Variants in AKAP13 observed in about 807,000 individuals in gnomAD.
AKAP13 encodes the protein A-kinase anchoring protein 13.
Under a neutral mutation model 264.5 loss-of-function variants are expected in AKAP13, and 80 were observed. The ratio of observed to expected loss-of-function variants is 0.30; its 90% CI spans 0.25 to 0.36. AKAP13 has a LOEUF of 0.36. AKAP13 is among the 10% of genes least tolerant of loss of function. The pLI is 1.00. For missense variants in AKAP13, 3,712 were observed against 3,435.2 expected (o/e 1.08, Z -2.01); for synonymous variants, 1,380 against 1,250.2 (o/e 1.10, Z -2.19).
chr15:85,627,732 A>AGGTTATGC (rs2081492382), intron 8 of AKAP13: 2 of 152,054 alleles, frequency 1.3e-5, no homozygotes, highest in Non-Finnish European at 2.9e-5. Context: ...CTGGGTTATG[A>AGGTTATGC]GGTTATGCAA....
intron 10 of AKAP13, 85 bp downstream of exon 10, chr15:85,646,039 C>A: frequency 6.5e-7 from 1 of 1,528,084 alleles, no homozygotes; most frequent in Non-Finnish European, 8.8e-7. Flanking sequence ...CAACTTTTTC[C>A]CCCTCTTGTG....
intron 17 of AKAP13, among the ~76,000 whole-genome samples, chr15:85,694,709 A>G (rs1283921797): frequency 1.3e-5 from 2 of 152,222 alleles, no homozygotes; most frequent in Non-Finnish European, 2.9e-5. Context: ...GGGTAAATCA[A>G]GGAGGCTGCT....
chr15:85,436,898 A>G (rs539090687), intron 1 of AKAP13, among the ~76,000 whole-genome samples: 1 of 152,186 alleles, frequency 6.6e-6, no homozygotes, highest in Non-Finnish European at 1.5e-5. Flanking sequence ...TAACATCACA[A>G]TTAAAAGAAC....
rs1206988281 is a variant in AKAP13, at chr15:85,630,192, CACACACACACACACACATCAT to C, written c.4162-9181_4162-9161del. Among the ~76,000 whole-genome samples, 121 of 78,060 alleles carry C rather than the reference CACACACACACACACACATCAT, an allele frequency of 1.6e-3. 3 individuals carry two copies. Among genetic ancestry groups the C allele is most frequent in the African/African-American group, 4.9e-3 (94 of 19,282 alleles). The allele number at this position is 78,060 out of a possible 152,430, so 51.2% of individuals were successfully genotyped here. On this transcript the variant is annotated intron_variant, in intron 8 of 36. Coordinates refer to ENST00000394518, the MANE Select transcript of AKAP13 (RefSeq NM_007200.5). ...ACACACACACACACACACACACACA[CACACACACACACACACATCAT>C]GAACTAAGATGGAAAATTGTAACAC...
chr15:85,410,506 C>T (rs1156318728), intron 1 of AKAP13, among the ~76,000 whole-genome samples: 1 of 151,684 alleles, frequency 6.6e-6, no homozygotes, highest in Non-Finnish European at 1.5e-5. Context: ...CCAACTCCTT[C>T]TACCTTGACC....
rs73450397 is a variant in AKAP13, at chr15:85,555,572, C to T, written c.662+11617C>T. On this transcript the variant is annotated intron_variant, in intron 5 of 36. Coordinates refer to ENST00000394518, the MANE Select transcript of AKAP13 (RefSeq NM_007200.5). ...CATTTTCTCTGGCTTTTTGCTGTAA[C>T]TCAACCTGAAGCATCATTGAACTTC... 9.9e-3 allele frequency: 9,631 copies of T among 973,666 alleles called. 663 individuals carry two copies. The African/African-American group carries it at 0.15, about 15-fold the overall frequency. The allele number at this position is 973,666 out of a possible 1,614,324, so 60.3% of individuals were successfully genotyped here. A position where few individuals can be genotyped will look rare whatever the true frequency, so the allele number is the denominator to read the frequency against.
chr15:85,627,376 T>C (rs1024114835), intron 8 of AKAP13, among the ~76,000 whole-genome samples: 3 of 152,194 alleles, frequency 2.0e-5, no homozygotes, highest in Non-Finnish European at 1.5e-5. Flanking sequence ...TTGTACTAGC[T>C]CTCTGATGTA....
chr15:85,414,436 A>G (rs912769468), intron 1 of AKAP13, among the ~76,000 whole-genome samples: 3 of 152,220 alleles, frequency 2.0e-5, no homozygotes, highest in African/African-American at 7.2e-5. Context: ...TGAACTAGTC[A>G]ATAGCTTTGT....
chr15:85,571,086 A>G (rs995468197), intron 5 of AKAP13, among the ~76,000 whole-genome samples: 3 of 152,172 alleles, frequency 2.0e-5, no homozygotes, highest in African/African-American at 7.2e-5. Flanking sequence ...AGAGGAAATT[A>G]TATAAACTTT....
chr15:85,685,480 G>C (rs1056799889), intron 16 of AKAP13: 1 of 149,136 alleles, frequency 6.7e-6, no homozygotes, highest in Non-Finnish European at 1.5e-5. Context: ...GTGTGTGTGT[G>C]TGTGTGTGTC....
chr15:85,648,960 G>A (rs2082681674), intron 10 of AKAP13, among the ~76,000 whole-genome samples: 1 of 152,208 alleles, frequency 6.6e-6, no homozygotes, highest in South Asian at 2.1e-4. Flanking sequence ...CCTGAGAAGA[G>A]ATGGGGAGGA....
At chr15:85,730,753 G>A (rs750632901) in intron 30 of AKAP13, 46 bp downstream of exon 30, 12 of 1,521,326 alleles carry the variant, frequency 7.9e-6, no homozygotes, top group East Asian at 2.3e-5. Context: ...CTCCCAGAGT[G>A]GTTTACACAC....
chr15:85,404,691 C>A (rs2071585208), intron 1 of AKAP13, among the ~76,000 whole-genome samples: 1 of 152,060 alleles, frequency 6.6e-6, no homozygotes, highest in South Asian at 2.1e-4. Flanking sequence ...TAAAGTTGTA[C>A]TTGTATATCT....
chr15:85,578,001 G>T (rs929853489), intron 6 of AKAP13: 1 of 191,786 alleles, frequency 5.2e-6, no homozygotes, highest in South Asian at 1.8e-4. Flanking sequence ...AAAAATATAG[G>T]TGGGACACAG....
At chr15:85,502,914 AT>A (rs2076074114) in intron 2 of AKAP13, among the ~76,000 whole-genome samples, 1 of 152,188 alleles carries the variant, frequency 6.6e-6, no homozygotes. Flanking sequence ...AAAGTAATCA[AT>A]TTTATTACCA....
chr15:85,481,794 G>A (rs968639721), intron 1 of AKAP13, among the ~76,000 whole-genome samples: 3 of 152,160 alleles, frequency 2.0e-5, no homozygotes, highest in African/African-American at 7.2e-5. Context: ...GTCATGTATT[G>A]TCCCTGTGTT....
At position 85,645,909 on chromosome 15, in the gene AKAP13, C is replaced by T. The variant is rs749772207; in HGVS notation, c.4329C>T (p.Leu1443=). ...GAGAATCTGGGAGTGATTCTGACCT[C>T]TTTCACTCACCCAGTGATGACATGG... is the stretch of plus-strand genomic sequence containing the variant. ...LKRESGSDSD[L]FHSPSDDMDS... is the part of the protein sequence containing the mutation. Residue 1443 remains leucine, a synonymous_variant, in exon 10 of 37, where the codon CTC becomes CTT. Coordinates refer to ENST00000394518, the MANE Select transcript of AKAP13 (RefSeq NM_007200.5). The T allele has an allele frequency of 3.1e-6, 5 of 1,613,762 alleles. No individual in the cohort carries two copies. The East Asian group carries it at 1.1e-4, about 36-fold the overall frequency.
chr15:85,579,092 T>C lies in AKAP13; in HGVS notation c.1024T>C (p.Cys342Arg), dbSNP rs1458549510. 2 of 1,614,226 alleles carry C rather than the reference T, an allele frequency of 1.2e-6. No homozygotes were observed. The highest frequency in any genetic ancestry group is 1.7e-6 in the Non-Finnish European group (2 of 1,180,048). ...SSEETESTQCCPGSPVAQTES... is the reference protein window; with the variant it reads ...SSEETESTQCRPGSPVAQTES... Reference sequence around the variant, plus strand: ...TGAAGAGACTGAGAGCACTCAGTGCTGCCCAGGGAGCCCTGTTGCACAGAC... The same window carrying C: ...TGAAGAGACTGAGAGCACTCAGTGCCGCCCAGGGAGCCCTGTTGCACAGAC... Residue 342 changes from cysteine (C) to arginine (R), a missense_variant, in exon 7 of 37, where the codon TGC becomes CGC. Cys to Arg is a radical substitution (Grantham distance 180). Around this residue, in one of 3 missense-constraint regions of AKAP13, gnomAD observed 2,759 missense variants for 2,411.7 expected, o/e 1.14. Transcript: ENST00000394518.
rs189320449 is a variant in AKAP13 at position 85,454,895 on chromosome 15, T to G, written c.-11-30815T>G. The stretch of plus-strand genomic sequence containing the variant: ...CAGGCAGCAAGAAATTGATCCAGAT[T>G]ATCTCCTTTCTCGATCTGTCGTCTT... On this transcript the variant is annotated intron_variant, in intron 1 of 36. Coordinates refer to ENST00000394518, the MANE Select transcript of AKAP13 (RefSeq NM_007200.5). Among the ~76,000 whole-genome samples the G allele has an allele frequency of 1.2e-3, 181 of 152,358 alleles. 1 individual carries two copies. Among genetic ancestry groups the G allele is most frequent in the African/African-American group, 4.2e-3 (175 of 41,572 alleles).
Sources: allele counts gnomAD v4.1 joint callset (sites outside exome capture counted in the v4.1 genomes callset), GRCh38; gene constraint gnomAD v4.1.1; regional missense constraint gnomAD v4.1.1; transcripts MANE v1.5; gene names NCBI Gene and HGNC (gene_info 2026-07-23, HGNC 2026-07-21).